The following CLYBL variants were observed in gnomAD, a reference collection of about 807,000 sequenced individuals.
The protein encoded by CLYBL is citramalyl-CoA lyase, also known as citramalyl-CoA lyase, mitochondrial.
CLYBL carries 31 observed loss-of-function variants against 38.9 expected under a neutral mutation model. The ratio of observed to expected loss-of-function variants is 0.80; its 90% confidence interval spans 0.60 to 1.08. The LOEUF (loss-of-function observed/expected upper bound fraction) is 1.08. Ranked by LOEUF, CLYBL falls within the 50% of genes least tolerant of loss-of-function variation. The pLI, the probability that CLYBL is intolerant of heterozygous loss-of-function variation, is 0.00. For synonymous variants in CLYBL, 171 were observed against 158.6 expected (o/e 1.08, Z -0.59); for missense variants, 434 against 411.6 (o/e 1.05, Z -0.47).
chr13:99,669,192 A>G (rs1032267474), intron 1 of CLYBL, among the ~76,000 whole-genome samples: 4 of 151,972 alleles, frequency 2.6e-5, no homozygotes, highest in Admixed American at 2.0e-4. Context: ...TTAGTATAGA[A>G]GGGATTTTAC....
rs573927026 is a variant in CLYBL at position 99,757,524 on chromosome 13, C to T, written c.63-15300C>T. Among the ~76,000 whole-genome samples the T allele has an allele frequency of 2.6e-5, 4 of 152,274 alleles. No homozygotes were observed. The South Asian group carries it at 6.2e-4, about 24-fold the overall frequency. ...AGGCTGGAGTGCAGTGGCATGATCT[C>T]GGCTCACTGCAACTTCCGCCTCTTG... is the stretch of plus-strand genomic sequence containing the variant. On this transcript the variant is annotated intron_variant, in intron 1 of 8. Coordinates refer to ENST00000339105, the MANE Select transcript of CLYBL (RefSeq NM_206808.5).
chr13:99,894,543 G>A (rs923669622), downstream of CLYBL: 2 of 152,164 alleles, frequency 1.3e-5, no homozygotes, highest in African/African-American at 4.8e-5. Flanking sequence ...GACTGAGTTG[G>A]GAACATCAGT....
At chr13:99,616,266 G>A (rs577790837) in intron 1 of CLYBL, among the ~76,000 whole-genome samples, 30 of 150,936 alleles carry the variant, frequency 2.0e-4, no homozygotes, top group African/African-American at 7.3e-4. Flanking sequence ...CACCAGTAGC[G>A]CTTCTTCCTC....
intron 2 of CLYBL, among the ~76,000 whole-genome samples, chr13:99,810,447 T>C (rs1483309744): frequency 6.6e-6 from 1 of 151,580 alleles, no homozygotes; most frequent in Non-Finnish European, 1.5e-5. Context: ...AGGCTGTGGG[T>C]GGAGGGGGAG....
intron 1 of CLYBL, among the ~76,000 whole-genome samples, chr13:99,637,237 C>T (rs1594094977): frequency 1.3e-5 from 2 of 152,142 alleles, no homozygotes; most frequent in African/African-American, 2.4e-5. Context: ...CCATTGTGCT[C>T]ACCCAAAGAT....
intron 1 of CLYBL, among the ~76,000 whole-genome samples, chr13:99,649,562 T>C (rs1479365576): frequency 3.3e-5 from 5 of 152,222 alleles, no homozygotes; most frequent in South Asian, 4.1e-4. Context: ...GGAGGACTTA[T>C]GTGTTAAATG....
intron 1 of CLYBL, among the ~76,000 whole-genome samples, chr13:99,628,629 TC>T (rs1428180030): frequency 6.6e-6 from 1 of 152,218 alleles, no homozygotes; most frequent in Non-Finnish European, 1.5e-5. Flanking sequence ...CTGGAAGGTG[TC>T]ATTTATAAGC....
intron 1 of CLYBL, among the ~76,000 whole-genome samples, chr13:99,749,906 G>T (rs990971147): frequency 6.6e-6 from 1 of 152,196 alleles, no homozygotes; most frequent in Non-Finnish European, 1.5e-5. Flanking sequence ...TGGGAACTTA[G>T]CAAAGTGAGA....
Position 99,834,695 on chromosome 13 carries a change from G to A in CLYBL, c.250-24166G>A, listed in dbSNP as rs182745680. Among the ~76,000 whole-genome samples the A allele has an allele frequency of 2.5e-4, 38 of 152,302 alleles. 1 individual carries two copies. The highest frequency in any genetic ancestry group is 2.4e-3 in the Admixed American group (36 of 15,310). On this transcript the variant is annotated intron_variant, in intron 2 of 8. Coordinates refer to ENST00000339105, the MANE Select transcript of CLYBL (RefSeq NM_206808.5). ...CCCGGGGCCCACTCTCTGCCACACA[G>A]GATGTTCTCGGTCCTCTGCAGCCTG...
intron 2 of CLYBL, among the ~76,000 whole-genome samples, chr13:99,774,241 T>G (rs1455086349): frequency 2.0e-5 from 3 of 151,986 alleles, no homozygotes; most frequent in Non-Finnish European, 4.4e-5. Flanking sequence ...TCCAAAAAAG[T>G]TTTAAAAAAA....
intron 1 of CLYBL, among the ~76,000 whole-genome samples, chr13:99,701,469 G>A (rs1282441755): frequency 2.6e-5 from 4 of 151,782 alleles, no homozygotes; most frequent in Middle Eastern, 3.4e-3. Flanking sequence ...CTGCCACCAC[G>A]CCTGGCTAAT....
chr13:99,836,868 C>T (rs1300525188), intron 2 of CLYBL, among the ~76,000 whole-genome samples: 3 of 151,220 alleles, frequency 2.0e-5, no homozygotes, highest in Non-Finnish European at 2.9e-5. Flanking sequence ...GGAAGGGGAA[C>T]ATCACACACC....
chr13:99,734,403 T>TAA (rs147915900), intron 1 of CLYBL, among the ~76,000 whole-genome samples: 1 of 144,072 alleles, frequency 6.9e-6, no homozygotes, highest in Non-Finnish European at 1.5e-5. Context: ...AAATTGAGAT[T>TAA]AAAAAAAAAA....
intron 1 of CLYBL, among the ~76,000 whole-genome samples, chr13:99,684,802 C>A (rs1262381138): frequency 6.6e-6 from 1 of 152,200 alleles, no homozygotes; most frequent in Non-Finnish European, 1.5e-5. Flanking sequence ...TAAGACTGAA[C>A]CATGGGTTGG....
intron 2 of CLYBL, among the ~76,000 whole-genome samples, chr13:99,818,489 A>ACACACTGC (rs912145005): frequency 6.6e-6 from 1 of 151,746 alleles, no homozygotes; most frequent in Non-Finnish European, 1.5e-5. Context: ...ACACACGGAC[A>ACACACTGC]CACACTGCCA....
chr13:99,701,337 G>C (rs966049743), intron 1 of CLYBL, among the ~76,000 whole-genome samples: 1 of 152,146 alleles, frequency 6.6e-6, no homozygotes, highest in Admixed American at 6.5e-5. Flanking sequence ...TTGAGACAGA[G>C]TCTTGCTCTG....
intron 1 of CLYBL, among the ~76,000 whole-genome samples, chr13:99,722,024 A>G (rs1238949968): frequency 6.6e-6 from 1 of 152,248 alleles, no homozygotes; most frequent in Non-Finnish European, 1.5e-5. Context: ...GGTGGTATCA[A>G]CTTAATCCCT....
intron 2 of CLYBL, among the ~76,000 whole-genome samples, chr13:99,831,144 G>A (rs2050795677): frequency 6.6e-6 from 1 of 152,214 alleles, no homozygotes; most frequent in Non-Finnish European, 1.5e-5. Flanking sequence ...GGAGCTGCAG[G>A]AGGCAAGGAG....
intron 1 of CLYBL, among the ~76,000 whole-genome samples, chr13:99,625,349 G>T (rs1260860859): frequency 6.6e-6 from 1 of 152,214 alleles, no homozygotes; most frequent in East Asian, 1.9e-4. Flanking sequence ...GGGATTAGCA[G>T]CGTTTAGGCT....
Sources: gnomAD v4.1 joint callset for allele counts (sites outside exome capture counted in the v4.1 genomes callset) on GRCh38, gnomAD v4.1.1 for gene constraint, MANE v1.5 for transcripts, NCBI Gene and HGNC (gene_info 2026-07-23, HGNC 2026-07-21) for gene names.